Variants in PCDHA6 observed in about 807,000 individuals in gnomAD.
PCDHA6 encodes the protein protocadherin alpha-6.
PCDHA6 carries 55 observed loss-of-function variants against 60.3 expected under a neutral mutation model. The ratio of observed to expected loss-of-function variants is 0.91; its 90% confidence interval spans 0.73 to 1.14. The LOEUF (loss-of-function observed/expected upper bound fraction) is 1.14. Among genes scored for constraint, PCDHA6 ranks in the 50% most tolerant of loss-of-function variants. PCDHA6 has a pLI of 0.00. For synonymous variants in PCDHA6, 652 were observed against 557.9 expected, an observed-to-expected ratio of 1.17 and a Z score of -2.38; for missense variants, 1,327 against 1,256.5, an observed-to-expected ratio of 1.06 and a Z score of -0.85.
chr5:140,887,153 G>C (rs950456487), intron 1 of PCDHA6, among the ~76,000 whole-genome samples: 1 of 151,288 alleles, frequency 6.6e-6, no homozygotes, highest in South Asian at 2.1e-4. Flanking sequence ...CTGGAGTACA[G>C]TGGCGTGATC....
At position 140,829,722 on chromosome 5, in the gene PCDHA6, C is replaced by T; in HGVS notation, c.1631C>T (p.Pro544Leu). Reference protein sequence around the residue: ...QVSARDAGVPPLGSNVTLQVF... With the variant: ...QVSARDAGVPLLGSNVTLQVF... ...AGCGCGCGCGACGCGGGCGTGCCGC[C>T]TCTGGGCAGCAACGTGACGCTGCAG... The change falls in exon 1 of 4, where the codon CCT (proline) becomes CTT (leucine). Residue 544 changes from proline to leucine, a missense_variant. Pro to Leu is a moderately conservative substitution (Grantham distance 98). Transcript: ENST00000529310. The T allele has an allele frequency of 6.2e-7, 1 of 1,613,622 alleles. No individual in the cohort carries two copies. The highest frequency in any genetic ancestry group is 2.2e-5 in the East Asian group (1 of 44,870).
intron 1 of PCDHA6, among the ~76,000 whole-genome samples, chr5:140,955,006 C>G (rs1304080416): frequency 6.6e-6 from 1 of 152,154 alleles, no homozygotes; most frequent in African/African-American, 2.4e-5. Flanking sequence ...AGCCAATTCT[C>G]CCAGCACCAT....
chr5:140,880,147 A>G (rs986031880), intron 1 of PCDHA6, among the ~76,000 whole-genome samples: 1 of 152,254 alleles, frequency 6.6e-6, no homozygotes, highest in African/African-American at 2.4e-5. Context: ...AAAGTGCAAT[A>G]TATCAAGTAT....
intron 1 of PCDHA6, among the ~76,000 whole-genome samples, chr5:140,937,096 G>T (rs1173485186): frequency 4.1e-5 from 6 of 146,810 alleles, no homozygotes; most frequent in African/African-American, 1.5e-4. Context: ...GGAGTGCAGT[G>T]GCGCAGTCTC....
At chr5:140,919,516 A>G (rs1207061379) in intron 1 of PCDHA6, among the ~76,000 whole-genome samples, 2 of 152,078 alleles carry the variant, frequency 1.3e-5, no homozygotes. Flanking sequence ...TATATGTTTT[A>G]ATTCTCTTTT....
chr5:141,010,378 A>C lies in PCDHA6; in HGVS notation c.*441A>C. ...GCTACCGCGGGTATGCGAGTGCCAG[A>C]TATTGGCTGAGACGAGCCAGCTTAG... is the stretch of plus-strand genomic sequence containing the variant. On this transcript the variant is annotated 3_prime_UTR_variant, in exon 4 of 4. Coordinates refer to ENST00000529310, the MANE Select transcript of PCDHA6 (RefSeq NM_018909.4). 6.9e-7 allele frequency: 1 copy of C among 1,450,180 alleles called. No individual in the cohort carries two copies. Among genetic ancestry groups the C allele is most frequent in the Non-Finnish European group, 9.2e-7 (1 of 1,092,666 alleles). 89.8% of individuals were successfully genotyped at this position (1,450,180 alleles called of 1,614,324 possible).
At chr5:140,934,151 A>G (rs1478465122) in intron 1 of PCDHA6, among the ~76,000 whole-genome samples, 3 of 152,088 alleles carry the variant, frequency 2.0e-5, no homozygotes, top group African/African-American at 7.2e-5. Context: ...TTATATGTTT[A>G]TATTTCAGTG....
intron 1 of PCDHA6, among the ~76,000 whole-genome samples, chr5:140,933,223 A>G (rs1005553040): frequency 1.3e-5 from 2 of 152,018 alleles, no homozygotes; most frequent in African/African-American, 4.8e-5. Context: ...GTTATATTGC[A>G]TTTATGAAAA....
intron 1 of PCDHA6, among the ~76,000 whole-genome samples, chr5:140,964,575 G>A (rs2153740589): frequency 6.6e-6 from 1 of 152,212 alleles, no homozygotes; most frequent in East Asian, 1.9e-4. Flanking sequence ...GGAGATAAGG[G>A]GAGGAAAGAT....
chr5:140,964,785 C>T (rs890090665), intron 1 of PCDHA6, among the ~76,000 whole-genome samples: 2 of 151,408 alleles, frequency 1.3e-5, no homozygotes, highest in East Asian at 3.9e-4. Context: ...GAGGAAGAAG[C>T]CAGAGACCCA....
At chr5:140,906,111 C>T (rs910809345) in intron 1 of PCDHA6, among the ~76,000 whole-genome samples, 1 of 152,100 alleles carries the variant, frequency 6.6e-6, no homozygotes, top group Admixed American at 6.5e-5. Flanking sequence ...TTTCCCAGTC[C>T]ACTGACACAA....
intron 1 of PCDHA6, chr5:140,869,092 A>G (rs782192400): frequency 1.7e-5 from 27 of 1,591,278 alleles, no homozygotes; most frequent in Non-Finnish European, 2.1e-5. Flanking sequence ...TTGGAAGCCA[A>G]TTTCGTATGC....
chr5:140,927,272 G>A lies in PCDHA6; in HGVS notation c.2395-51677G>A, dbSNP rs782403423. 3.7e-6 allele frequency: 6 copies of A among 1,613,966 alleles called. No homozygotes were observed. Among genetic ancestry groups the A allele is most frequent in the African/African-American group, 1.3e-5 (1 of 74,910 alleles). ...GACAACTCACCTCTCTTTCCTGCCG[G>A]CGACGTGCAGCTGCACATCCCCGAG... On this transcript the variant is annotated intron_variant, in intron 1 of 3. Transcript: ENST00000529310.
At chr5:140,966,542 G>C (rs926112867) in intron 1 of PCDHA6, 4 of 464,302 alleles carry the variant, frequency 8.6e-6, no homozygotes, top group Non-Finnish European at 1.5e-5. Flanking sequence ...GAGCGACTCG[G>C]AGGCGAGCGG....
intron 1 of PCDHA6, among the ~76,000 whole-genome samples, chr5:140,940,729 C>G (rs545285188): frequency 8.9e-4 from 136 of 152,326 alleles, no homozygotes; most frequent in African/African-American, 3.2e-3. Context: ...TTCAGCTGGA[C>G]AGCTCCATAT....
chr5:140,849,665 G>T (rs1255665975), intron 1 of PCDHA6: 1 of 1,598,534 alleles, frequency 6.3e-7, no homozygotes, highest in East Asian at 2.2e-5. Flanking sequence ...GCTCCCTGAC[G>T]CCCCACGTCC....
rs1305370888 is a variant in PCDHA6, at chr5:140,852,030, T to C, written c.2394+21545T>C. 9.7e-5 allele frequency: 91 copies of C among 938,230 alleles called. 9 individuals are homozygous for C. The highest frequency in any genetic ancestry group is 9.0e-5 in the Non-Finnish European group (70 of 773,886). The allele number at this position is 938,230 out of a possible 1,614,324, so 58.1% of individuals were successfully genotyped here. A position where few individuals can be genotyped will look rare whatever the true frequency, so the allele number is the denominator to read the frequency against. On this transcript the variant is annotated intron_variant, in intron 1 of 3. Coordinates refer to ENST00000529310, the MANE Select transcript of PCDHA6 (RefSeq NM_018909.4). ...TTTATAGTTTTAAAAACTTCGCTTATTGAGTTTTTGTTATGTGGTTTATAT... is the reference window on the plus strand; with the variant it reads ...TTTATAGTTTTAAAAACTTCGCTTACTGAGTTTTTGTTATGTGGTTTATAT...
intron 1 of PCDHA6, among the ~76,000 whole-genome samples, chr5:140,962,132 C>A (rs1018234897): frequency 3.3e-5 from 5 of 152,104 alleles, no homozygotes; most frequent in Admixed American, 3.3e-4. Flanking sequence ...GCCTCGGCCT[C>A]CCAAAGTGCT....
chr5:140,909,787 A>C (rs1299398218), intron 1 of PCDHA6, among the ~76,000 whole-genome samples: 2 of 152,156 alleles, frequency 1.3e-5, no homozygotes, highest in African/African-American at 4.8e-5. Flanking sequence ...ACCCACTCTA[A>C]GTCAGACTTC....
Sources: gnomAD v4.1 joint callset for allele counts (sites outside exome capture counted in the v4.1 genomes callset) on GRCh38, gnomAD v4.1.1 for gene constraint, MANE v1.5 for transcripts, NCBI Gene and HGNC (gene_info 2026-07-23, HGNC 2026-07-21) for gene names.